SMC5: variants seen among roughly 807,000 people sequenced by gnomAD.
The protein encoded by SMC5 is structural maintenance of chromosomes protein 5.
Under a neutral mutation model 148.3 loss-of-function variants are expected in SMC5, and 88 were observed. That is an observed-to-expected ratio of 0.59 (90% CI 0.50 to 0.71). The LOEUF is 0.71. SMC5 is among the 30% of genes least tolerant of loss of function. SMC5 has a pLI of 0.00. For missense variants in SMC5, 1,142 were observed against 1,298.9 expected (o/e 0.88, Z 1.86); for synonymous variants, 421 against 432.8 (o/e 0.97, Z 0.34).
intron 9 of SMC5, among the ~76,000 whole-genome samples, chr9:70,299,144 C>A (rs903049551): frequency 6.6e-6 from 1 of 151,848 alleles, no homozygotes; most frequent in African/African-American, 2.4e-5. Context: ...TAAATTCTCT[C>A]ATTTATACTC....
At chr9:70,327,665 T>C (rs2036115767) in intron 17 of SMC5, among the ~76,000 whole-genome samples, 2 of 152,174 alleles carry the variant, frequency 1.3e-5, no homozygotes, top group African/African-American at 4.8e-5. Context: ...AAGTAATTTA[T>C]AAACAATAAA....
intron 8 of SMC5, among the ~76,000 whole-genome samples, chr9:70,289,570 AG>A (rs2035003983): frequency 6.6e-6 from 1 of 152,190 alleles, no homozygotes; most frequent in African/African-American, 2.4e-5. Flanking sequence ...AAGTTTAAAC[AG>A]TTCACATTTA....
At position 70,277,360 on chromosome 9, in the gene SMC5, A is replaced by C; in HGVS notation, c.431A>C (p.Lys144Thr). The change falls in exon 4 of 25, where the codon AAA becomes ACA. Residue 144 changes from lysine to threonine, a missense_variant. Lys to Thr is a moderately conservative substitution (Grantham distance 78). Coordinates refer to ENST00000361138, the MANE Select transcript of SMC5 (RefSeq NM_015110.4). Reference sequence around the variant, plus strand: ...ATCACCCGTGAGATTGATGTGGCAAAAAATCAGTCCTTTTGGTTCATCAAC... The same window carrying C: ...ATCACCCGTGAGATTGATGTGGCAACAAATCAGTCCTTTTGGTTCATCAAC... ...LVITREIDVA[K>T]NQSFWFINKK... 6.2e-7 allele frequency: 1 copy of C among 1,602,334 alleles called. No homozygotes were observed. The highest frequency in any genetic ancestry group is 8.5e-7 in the Non-Finnish European group (1 of 1,174,326).
Position 70,318,517 on chromosome 9 carries a change from A to C in SMC5, c.1810A>C (p.Ile604Leu). 6.3e-7 allele frequency: 1 copy of C among 1,594,292 alleles called. No individual in the cohort carries two copies. Among genetic ancestry groups the C allele is most frequent in the Non-Finnish European group, 8.5e-7 (1 of 1,171,284 alleles). ...EKTRERIERV[I>L]QETRLKQIYT... ...TAATAGTTGTTTTACGTTATAGGTA[A>C]TACAAGAAACCCGATTAAAACAGAT... is the stretch of plus-strand genomic sequence containing the variant. Residue 604 changes from isoleucine to leucine, a missense_variant, in exon 14 of 25, where the codon ATA (isoleucine) becomes CTA (leucine). By Grantham distance (5) the Ile-to-Leu change is conservative. Transcript: ENST00000361138.
At chr9:70,278,063 T>C (rs2034643005) in intron 4 of SMC5, among the ~76,000 whole-genome samples, 1 of 152,102 alleles carries the variant, frequency 6.6e-6, no homozygotes, top group Non-Finnish European at 1.5e-5. Flanking sequence ...AACTTAAACA[T>C]TTTTAAAAGC....
At chr9:70,305,391 C>A in intron 11 of SMC5, 31 bp downstream of exon 11, 2 of 1,229,982 alleles carry the variant, frequency 1.6e-6, no homozygotes, top group South Asian at 1.3e-5. Context: ...CACTTTGATT[C>A]ACTTGACACT....
At chr9:70,346,741 C>CA in intron 19 of SMC5, 92 bp downstream of exon 19, 1 of 1,322,408 alleles carries the variant, frequency 7.6e-7, no homozygotes, top group Non-Finnish European at 1.1e-6. Context: ...GAGATGAATT[C>CA]TAGGCCTTTG....
chr9:70,280,447 C>T (rs921100637), intron 5 of SMC5, among the ~76,000 whole-genome samples: 3 of 152,198 alleles, frequency 2.0e-5, no homozygotes, highest in African/African-American at 4.8e-5. Flanking sequence ...TTCTACCCTT[C>T]AAGTGGATGC....
intron 10 of SMC5, 89 bp downstream of exon 10, chr9:70,300,289 C>A: frequency 8.2e-7 from 1 of 1,217,580 alleles, no homozygotes; most frequent in Non-Finnish European, 1.1e-6. Context: ...CAATATTACC[C>A]TGGTTTTACA....
chr9:70,283,089 G>A (rs889129261), intron 7 of SMC5, among the ~76,000 whole-genome samples: 2 of 152,232 alleles, frequency 1.3e-5, no homozygotes, highest in African/African-American at 4.8e-5. Context: ...AAATAACGCA[G>A]TATAGGCAGA....
intron 10 of SMC5, among the ~76,000 whole-genome samples, chr9:70,303,572 TTAAAA>T (rs1488888916): frequency 6.6e-6 from 1 of 152,124 alleles, no homozygotes; most frequent in Non-Finnish European, 1.5e-5. Flanking sequence ...ATTCTATAAT[TTAAAA>T]TAGCACTATT....
intron 7 of SMC5, among the ~76,000 whole-genome samples, chr9:70,285,591 A>AGAC (rs1445323248): frequency 1.3e-5 from 2 of 152,244 alleles, no homozygotes; most frequent in Non-Finnish European, 2.9e-5. Context: ...CCAAATTTCC[A>AGAC]GACAACAACC....
At chr9:70,277,556 T>C in intron 4 of SMC5, 84 bp downstream of exon 4, 1 of 1,120,222 alleles carries the variant, frequency 8.9e-7, no homozygotes, top group Non-Finnish European at 1.2e-6. Context: ...TCATAATGAC[T>C]GCTATTTAAA....
chr9:70,276,655 C>T (rs2034601497), intron 3 of SMC5, among the ~76,000 whole-genome samples: 1 of 152,162 alleles, frequency 6.6e-6, no homozygotes, highest in African/African-American at 2.4e-5. Flanking sequence ...CTGCCACATG[C>T]TGCTGAATCC....
At chr9:70,269,335 C>A (rs1042007430) in intron 3 of SMC5, among the ~76,000 whole-genome samples, 1 of 152,082 alleles carries the variant, frequency 6.6e-6, no homozygotes, top group African/African-American at 2.4e-5. Context: ...GTAATCCCAG[C>A]ACTATGGGAG....
Position 70,305,279 on chromosome 9 carries a change from T to C in SMC5, c.1497T>C (p.Tyr499=). 1 of 1,590,824 alleles carries C rather than the reference T, an allele frequency of 6.3e-7. No homozygotes were observed. The highest frequency in any genetic ancestry group is 1.1e-5 in the South Asian group (1 of 89,450). The change falls in exon 11 of 25, where the codon TAT becomes TAC. Residue 499 remains tyrosine, a synonymous_variant. Coordinates refer to ENST00000361138, the MANE Select transcript of SMC5 (RefSeq NM_015110.4). ...INMKDNKNAK[Y]IENHIPSNDL... ...TGAAAGATAATAAAAATGCCAAATATATTGAAAATCATATTCCATCAAATG... is the reference window on the plus strand; with the variant it reads ...TGAAAGATAATAAAAATGCCAAATACATTGAAAATCATATTCCATCAAATG...
intron 1 of SMC5, among the ~76,000 whole-genome samples, chr9:70,259,923 A>G (rs549502448): frequency 1.8e-4 from 26 of 144,276 alleles, no homozygotes; most frequent in African/African-American, 6.7e-4. Context: ...CATTTGTTCC[A>G]GGTCTTTTTT....
intron 8 of SMC5, among the ~76,000 whole-genome samples, chr9:70,289,125 C>T (rs2034988507): frequency 2.0e-5 from 3 of 152,066 alleles, no homozygotes; most frequent in African/African-American, 7.2e-5. Flanking sequence ...GCAGCTTCTG[C>T]CTCCCCGGTT....
At chr9:70,338,576 A>G (rs142396241) in intron 17 of SMC5, among the ~76,000 whole-genome samples, 260 of 152,312 alleles carry the variant, frequency 1.7e-3, no homozygotes, top group African/African-American at 5.9e-3. Flanking sequence ...CTACAGCTTT[A>G]TAATATTATA....
Sources: gnomAD v4.1 joint callset for allele counts (sites outside exome capture counted in the v4.1 genomes callset) on GRCh38, gnomAD v4.1.1 for gene constraint, MANE v1.5 for transcripts, NCBI Gene and HGNC (gene_info 2026-07-23, HGNC 2026-07-21) for gene names.